Variants in ADCY8 observed in about 807,000 individuals in gnomAD.
ADCY8 encodes adenylate cyclase 8.
Under a neutral mutation model 119.7 loss-of-function variants are expected in ADCY8, and 51 were observed. The observed-to-expected ratio is 0.43, with a 90% CI of 0.34 to 0.54. ADCY8 has a LOEUF of 0.54. ADCY8 is among the 20% of genes least tolerant of loss of function. The pLI is 0.03. For synonymous variants in ADCY8, 665 were observed against 651.0 expected (o/e 1.02, Z -0.33); for missense variants, 1,383 against 1,598.8 (o/e 0.87, Z 2.30).
At chr8:130,950,993 C>T (rs554451374) in intron 3 of ADCY8, among the ~76,000 whole-genome samples, 61 of 152,302 alleles carry the variant, frequency 4.0e-4, no homozygotes, top group African/African-American at 1.4e-3. Flanking sequence ...CGACCGTGCC[C>T]GGCCAGTACA....
At position 130,792,132 on chromosome 8, in the gene ADCY8, C is replaced by T. The variant is rs548767726; in HGVS notation, c.3061-6657G>A. 1.1e-4 allele frequency among the ~76,000 whole-genome samples: 16 copies of T among 152,330 alleles called. 1 individual carries two copies. The highest frequency in any genetic ancestry group is 3.8e-4 in the African/African-American group (16 of 41,588). The stretch of plus-strand genomic sequence containing the variant: ...GCTGGCTGTCCTCAGCCTCGCTTCT[C>T]TTGGGCTACCAGCAGCACTGGACCC... On this transcript the variant is annotated intron_variant, in intron 15 of 17. Coordinates refer to ENST00000286355, the MANE Select transcript of ADCY8 (RefSeq NM_001115.3).
chr8:130,995,806 A>T (rs192171697), intron 1 of ADCY8, among the ~76,000 whole-genome samples: 2 of 152,258 alleles, frequency 1.3e-5, no homozygotes, highest in Non-Finnish European at 1.5e-5. Context: ...ATTTATCACA[A>T]ATTGTAATTA....
intron 1 of ADCY8, among the ~76,000 whole-genome samples, chr8:131,024,435 C>T (rs1396566454): frequency 1.3e-5 from 2 of 152,164 alleles, no homozygotes; most frequent in African/African-American, 2.4e-5. Context: ...TGAGTTCCTT[C>T]AGGCTACCTT....
At chr8:130,926,461 T>C (rs1340721309) in intron 5 of ADCY8, among the ~76,000 whole-genome samples, 1 of 152,226 alleles carries the variant, frequency 6.6e-6, no homozygotes, top group Non-Finnish European at 1.5e-5. Flanking sequence ...TATTTTTTAT[T>C]TTATTTTTTG....
intron 1 of ADCY8, among the ~76,000 whole-genome samples, chr8:130,993,356 C>T (rs2149888): frequency 0.7 from 105,979 of 152,096 alleles, 38,488 homozygotes; most frequent in African/African-American, 0.91. Flanking sequence ...TCTATAGTCA[C>T]AGTGGTCTCT....
rs756790618 is a variant in ADCY8, at chr8:130,951,883, C to A, written c.1226G>T (p.Arg409Leu). The A allele has an allele frequency of 1.2e-6, 2 of 1,613,866 alleles. No individual in the cohort carries two copies. The highest frequency in any genetic ancestry group is 1.7e-6 in the Non-Finnish European group (2 of 1,179,956). Residue 409 changes from arginine to leucine, a missense_variant, in exon 3 of 18, where the codon CGC (arginine) becomes CTC (leucine). Arg to Leu is a moderately radical substitution (Grantham distance 102, BLOSUM62 -2). This residue lies in a region of ADCY8 where 928 missense variants were observed against 1,163.5 expected (regional missense o/e 0.80). Transcript: ENST00000286355. ...TGTTTCTCACCTGACGTTCTCATAG[C>A]GATGGATGTAGATCCGATGGAACTG... ...QHQFHRIYIH[R>L]YENVSILFAD...
intron 2 of ADCY8, among the ~76,000 whole-genome samples, chr8:130,973,292 G>A (rs1417990793): frequency 6.6e-6 from 1 of 152,206 alleles, no homozygotes; most frequent in Non-Finnish European, 1.5e-5. Context: ...TTGATTCTTG[G>A]CTTAGTCATG....
At chr8:130,811,827 G>A (rs910730029) in intron 14 of ADCY8, among the ~76,000 whole-genome samples, 3 of 152,280 alleles carry the variant, frequency 2.0e-5, no homozygotes, top group Admixed American at 6.5e-5. Context: ...GAAACCCAAA[G>A]ATGTCCCCTG....
chr8:130,857,856 C>A (rs60665191), intron 9 of ADCY8, among the ~76,000 whole-genome samples: 22 of 152,112 alleles, frequency 1.4e-4, no homozygotes, highest in Non-Finnish European at 1.5e-5. Flanking sequence ...TGGTTTCTCT[C>A]ACTTTTTTAC....
At chr8:130,968,867 C>T (rs920234158) in intron 2 of ADCY8, among the ~76,000 whole-genome samples, 3 of 152,214 alleles carry the variant, frequency 2.0e-5, no homozygotes, top group African/African-American at 7.2e-5. Flanking sequence ...AGACATTAGA[C>T]ACTGAATCTA....
chr8:130,851,496 T>G (rs1817526729), intron 9 of ADCY8, among the ~76,000 whole-genome samples: 1 of 152,182 alleles, frequency 6.6e-6, no homozygotes, highest in Non-Finnish European at 1.5e-5. Flanking sequence ...GCAGTGTGGC[T>G]GTGCTCAGGA....
At chr8:130,999,341 C>A (rs1049641401) in intron 1 of ADCY8, among the ~76,000 whole-genome samples, 4 of 152,128 alleles carry the variant, frequency 2.6e-5, no homozygotes, top group Admixed American at 1.3e-4. Context: ...CCTTCTCGTT[C>A]CCCCAACCCC....
chr8:131,000,701 C>T (rs1162670125), intron 1 of ADCY8, among the ~76,000 whole-genome samples: 1 of 152,092 alleles, frequency 6.6e-6, no homozygotes, highest in Non-Finnish European at 1.5e-5. Flanking sequence ...CTCACCAACC[C>T]CATGGCTGAG....
At chr8:130,947,849 G>T (rs1821149651) in intron 3 of ADCY8, among the ~76,000 whole-genome samples, 1 of 152,172 alleles carries the variant, frequency 6.6e-6, no homozygotes, top group African/African-American at 2.4e-5. Flanking sequence ...AGAGAAGGAT[G>T]ACTGTCCACC....
intron 8 of ADCY8, among the ~76,000 whole-genome samples, chr8:130,869,962 C>CCTTCTTA (rs1818284348): frequency 1.3e-5 from 1 of 76,882 alleles, no homozygotes; most frequent in African/African-American, 5.2e-5. Flanking sequence ...TCTTCTTCTT[C>CCTTCTTA]CTTCTTCCTT....
At chr8:130,844,121 G>C (rs948656089) in intron 11 of ADCY8, among the ~76,000 whole-genome samples, 1 of 152,156 alleles carries the variant, frequency 6.6e-6, no homozygotes, top group African/African-American at 2.4e-5. Context: ...ACAGTGAACT[G>C]TTTATTCAGA....
intron 7 of ADCY8, among the ~76,000 whole-genome samples, chr8:130,902,546 T>A (rs192023305): frequency 6.6e-6 from 1 of 152,260 alleles, no homozygotes; most frequent in Admixed American, 6.5e-5. Context: ...TTTCTCATAG[T>A]TTTTCCCCCA....
chr8:130,947,240 C>T (rs1481764910), intron 3 of ADCY8, among the ~76,000 whole-genome samples: 1 of 152,192 alleles, frequency 6.6e-6, no homozygotes, highest in Non-Finnish European at 1.5e-5. Flanking sequence ...AACGTGGTCC[C>T]TGTGTAGACT....
chr8:130,942,528 T>C (rs1331583501), intron 4 of ADCY8, among the ~76,000 whole-genome samples: 1 of 152,198 alleles, frequency 6.6e-6, no homozygotes, highest in South Asian at 2.1e-4. Flanking sequence ...CAATACCTAG[T>C]AGGTGCTTAA....
Sources: gnomAD v4.1 joint callset for allele counts (sites outside exome capture counted in the v4.1 genomes callset) on GRCh38, gnomAD v4.1.1 for gene constraint, gnomAD v4.1.1 regional missense constraint, MANE v1.5 for transcripts, NCBI Gene and HGNC (gene_info 2026-07-23, HGNC 2026-07-21) for gene names.